Variants in IQCM observed in about 807,000 individuals in gnomAD.
The protein encoded by IQCM is IQ motif containing M, also known as IQ domain-containing protein M.
IQCM carries 45 observed loss-of-function variants against 57.6 expected under a neutral mutation model. That is an observed-to-expected ratio of 0.78 (90% CI 0.62 to 1.00). The LOEUF (loss-of-function observed/expected upper bound fraction) is 1.00, where lower values mean the gene tolerates loss of function less well. IQCM is among the 50% of genes least tolerant of loss of function. The pLI is 0.00. For synonymous variants in IQCM, 148 were observed against 158.9 expected, an observed-to-expected ratio of 0.93 and a Z score of 0.51; for missense variants, 468 against 511.6, an observed-to-expected ratio of 0.91 and a Z score of 0.82.
intron 13 of IQCM, among the ~76,000 whole-genome samples, chr4:149,368,783 T>TATATATATATACATATATATACAC (rs1560778766): frequency 1.3e-5 from 1 of 77,236 alleles, no homozygotes; most frequent in Non-Finnish European, 2.7e-5. Flanking sequence ...TATATATACA[T>TATATATATATACATATATATACAC]GTATATATAT....
At chr4:149,776,627 G>C (rs1490389213) in intron 2 of IQCM, among the ~76,000 whole-genome samples, 1 of 152,042 alleles carries the variant, frequency 6.6e-6, no homozygotes, top group Non-Finnish European at 1.5e-5. Context: ...TGTATTTGTG[G>C]ATGAATAAGG....
At chr4:149,484,224 T>C (rs1035350081) in intron 12 of IQCM, among the ~76,000 whole-genome samples, 4 of 151,984 alleles carry the variant, frequency 2.6e-5, no homozygotes, top group Admixed American at 2.6e-4. Context: ...TTATAGACAA[T>C]GGATCATTGA....
At chr4:149,606,234 C>T (rs2150043236) in intron 8 of IQCM, among the ~76,000 whole-genome samples, 1 of 152,198 alleles carries the variant, frequency 6.6e-6, no homozygotes, top group Non-Finnish European at 1.5e-5. Context: ...CCAGGCAGCC[C>T]AGTACAGAGA....
chr4:149,387,607 T>C (rs1456508553), intron 13 of IQCM, among the ~76,000 whole-genome samples: 3 of 152,166 alleles, frequency 2.0e-5, no homozygotes, highest in South Asian at 4.1e-4. Context: ...ATATAGTTCA[T>C]ATAGAAAGCT....
intron 9 of IQCM, among the ~76,000 whole-genome samples, chr4:149,570,434 C>A (rs913937676): frequency 1.3e-4 from 19 of 151,794 alleles, no homozygotes; most frequent in Admixed American, 6.6e-5. Flanking sequence ...TTAGGGATTG[C>A]CAACTAATGG....
At chr4:149,608,234 C>T (rs1321754921) in intron 8 of IQCM, among the ~76,000 whole-genome samples, 1 of 151,880 alleles carries the variant, frequency 6.6e-6, no homozygotes, top group Non-Finnish European at 1.5e-5. Flanking sequence ...AAATTATATT[C>T]ATCCAACACT....
At chr4:149,474,653 G>T (rs533156928) in intron 12 of IQCM, among the ~76,000 whole-genome samples, 1 of 151,908 alleles carries the variant, frequency 6.6e-6, no homozygotes, top group East Asian at 1.9e-4. Context: ...GGAGGCAGAG[G>T]TTGCAGTGAG....
intron 8 of IQCM, among the ~76,000 whole-genome samples, chr4:149,616,168 T>C (rs1441810880): frequency 6.6e-6 from 1 of 152,158 alleles, no homozygotes; most frequent in African/African-American, 2.4e-5. Flanking sequence ...GCAACATTAT[T>C]CAAAATATCC....
intron 13 of IQCM, among the ~76,000 whole-genome samples, chr4:149,358,762 T>G (rs890643620): frequency 9.4e-5 from 10 of 106,446 alleles, no homozygotes; most frequent in Admixed American, 9.3e-4. Flanking sequence ...GCCAAGCCAG[T>G]TTTTTTGGTT....
intron 13 of IQCM, among the ~76,000 whole-genome samples, chr4:149,416,296 AT>A (rs1733743030): frequency 6.6e-6 from 1 of 152,082 alleles, no homozygotes; most frequent in Non-Finnish European, 1.5e-5. Context: ...TAAATAAATA[AT>A]ATATTCCTGA....
chr4:149,369,645 A>C (rs1052377120), intron 13 of IQCM, among the ~76,000 whole-genome samples: 8 of 152,086 alleles, frequency 5.3e-5, no homozygotes, highest in Non-Finnish European at 1.0e-4. Context: ...TGAAGATTTG[A>C]ATTGCCAAAT....
intron 10 of IQCM, among the ~76,000 whole-genome samples, chr4:149,554,054 G>A (rs1749299398): frequency 6.6e-6 from 1 of 151,740 alleles, no homozygotes; most frequent in Admixed American, 6.6e-5. Context: ...ATAATATTTA[G>A]ATTTATTTTC....
At chr4:149,373,112 T>C (rs975993614) in intron 13 of IQCM, among the ~76,000 whole-genome samples, 21 of 152,196 alleles carry the variant, frequency 1.4e-4, no homozygotes, top group African/African-American at 5.1e-4. Context: ...AGTAACTAAA[T>C]GTAGAAAGTT....
intron 12 of IQCM, among the ~76,000 whole-genome samples, chr4:149,476,252 TA>T (rs993531414): frequency 6.6e-5 from 10 of 152,102 alleles, no homozygotes; most frequent in Non-Finnish European, 1.5e-4. Context: ...AACAAAGGCG[TA>T]AATAGTTTTT....
At chr4:149,654,760 T>C (rs538888482) in intron 7 of IQCM, among the ~76,000 whole-genome samples, 2 of 152,270 alleles carry the variant, frequency 1.3e-5, no homozygotes, top group Non-Finnish European at 2.9e-5. Context: ...ACTGTCAATA[T>C]GGTAACTACA....
chr4:149,639,233 C>G (rs1430575603), intron 7 of IQCM, among the ~76,000 whole-genome samples: 1 of 152,008 alleles, frequency 6.6e-6, no homozygotes, highest in Non-Finnish European at 1.5e-5. Context: ...TTGTGACCAG[C>G]CTGGGCAACA....
chr4:149,368,998 A>ATATATG (rs1553956066), intron 13 of IQCM, among the ~76,000 whole-genome samples: 1 of 77,538 alleles, frequency 1.3e-5, no homozygotes, highest in Non-Finnish European at 2.6e-5. Flanking sequence ...ACGTGTATAT[A>ATATATG]TATATATATA....
intron 5 of IQCM, among the ~76,000 whole-genome samples, chr4:149,692,569 G>A (rs1329496662): frequency 6.6e-6 from 1 of 152,066 alleles, no homozygotes; most frequent in African/African-American, 2.4e-5. Flanking sequence ...ATAGACCATT[G>A]AGCTAAGTCA....
chr4:149,375,687 C>T (rs569548321), intron 13 of IQCM, among the ~76,000 whole-genome samples: 238 of 152,184 alleles, frequency 1.6e-3, no homozygotes, highest in African/African-American at 5.4e-3. Context: ...TTTCTTGCTG[C>T]TGTTTTTCCT....
Sources: allele counts gnomAD v4.1 joint callset (sites outside exome capture counted in the v4.1 genomes callset), GRCh38; gene constraint gnomAD v4.1.1; transcripts MANE v1.5; gene names NCBI Gene and HGNC (gene_info 2026-07-23, HGNC 2026-07-21).